RELN: variants seen among roughly 807,000 people sequenced by gnomAD.
RELN encodes reelin.
RELN carries 108 observed loss-of-function variants against 427.6 expected under a neutral mutation model. That is an observed-to-expected ratio of 0.25 (90% confidence interval 0.22 to 0.30). The LOEUF (loss-of-function observed/expected upper bound fraction) is 0.30, where lower values mean the gene tolerates loss of function less well. Ranked by LOEUF, RELN falls within the 10% of genes least tolerant of loss-of-function variation. The pLI is 1.00. For synonymous variants in RELN, 1,524 were observed against 1,513.4 expected (o/e 1.01, Z -0.16); for missense variants, 3,715 against 4,302.8 (o/e 0.86, Z 3.82).
intron 2 of RELN, among the ~76,000 whole-genome samples, chr7:103,906,607 T>C (rs1186577374): frequency 1.3e-5 from 2 of 152,158 alleles, no homozygotes; most frequent in Non-Finnish European, 2.9e-5. Context: ...CCATAGCTCC[T>C]GAATGTTTAC....
intron 1 of RELN, among the ~76,000 whole-genome samples, chr7:103,920,654 G>C (rs1304471835): frequency 6.8e-6 from 1 of 146,522 alleles, no homozygotes; most frequent in Non-Finnish European, 1.5e-5. Flanking sequence ...GCTCACTGCA[G>C]CCTCCACCTC....
intron 2 of RELN, among the ~76,000 whole-genome samples, chr7:103,892,127 C>T (rs993135454): frequency 6.6e-6 from 1 of 152,178 alleles, no homozygotes; most frequent in African/African-American, 2.4e-5. Context: ...TTACTCTGAG[C>T]CAAGACAGTT....
chr7:103,582,346 C>T (rs1272812160), intron 28 of RELN, among the ~76,000 whole-genome samples: 1 of 152,186 alleles, frequency 6.6e-6, no homozygotes. Flanking sequence ...AAGCATATGG[C>T]AAGTCAAATT....
intron 6 of RELN, among the ~76,000 whole-genome samples, chr7:103,739,031 C>T (rs1008330670): frequency 4.6e-5 from 7 of 152,062 alleles, no homozygotes; most frequent in South Asian, 2.1e-4. Context: ...CATGTTGTTG[C>T]GACTGACAAT....
intron 8 of RELN, among the ~76,000 whole-genome samples, chr7:103,720,044 G>GTA (rs2115892457): frequency 1.3e-5 from 2 of 151,790 alleles, no homozygotes; most frequent in South Asian, 4.2e-4. Flanking sequence ...GTATGTGTGT[G>GTA]TATATGTATA....
intron 2 of RELN, among the ~76,000 whole-genome samples, chr7:103,872,027 TA>T (rs1417011568): frequency 1.4e-4 from 13 of 92,318 alleles, no homozygotes; most frequent in African/African-American, 2.4e-4. Flanking sequence ...TATATATATA[TA>T]TATTTTTCTT....
chr7:103,701,179 T>A (rs918949122), intron 8 of RELN, among the ~76,000 whole-genome samples, 173 bp from the exon 9 acceptor site: 13 of 152,282 alleles, frequency 8.5e-5, no homozygotes, highest in African/African-American at 3.1e-4. Context: ...AACTACCATT[T>A]GATAAATAAT....
intron 3 of RELN, among the ~76,000 whole-genome samples, chr7:103,833,115 A>T (rs1793314832): frequency 6.6e-6 from 1 of 152,012 alleles, no homozygotes; most frequent in Non-Finnish European, 1.5e-5. Context: ...TTGTGATGTG[A>T]ATGTTTAAAA....
chr7:103,745,961 C>A (rs1032830692), intron 6 of RELN, among the ~76,000 whole-genome samples: 3 of 152,130 alleles, frequency 2.0e-5, no homozygotes, highest in African/African-American at 7.2e-5. Flanking sequence ...ATTGCCAAGT[C>A]AATCCTAAGC....
chr7:103,779,928 A>G (rs1226025219), intron 3 of RELN, among the ~76,000 whole-genome samples: 2 of 152,144 alleles, frequency 1.3e-5, no homozygotes, highest in African/African-American at 4.8e-5. Context: ...GGGTTTCACC[A>G]TGTTGGCCAG....
intron 36 of RELN, among the ~76,000 whole-genome samples, chr7:103,559,951 A>C (rs978432263): frequency 1.3e-5 from 2 of 152,244 alleles, no homozygotes; most frequent in African/African-American, 4.8e-5. Flanking sequence ...ATGGGTCAAT[A>C]CAAGTCACTC....
rs778109079 is a variant in RELN, at chr7:103,500,755, T to C, written c.8657A>G (p.His2886Arg). 1.2e-6 allele frequency: 2 copies of C among 1,614,066 alleles called. No individual in the cohort carries two copies. Among genetic ancestry groups the C allele is most frequent in the Non-Finnish European group, 1.7e-6 (2 of 1,179,972 alleles). Residue 2886 changes from histidine to arginine, a missense_variant, in exon 53 of 65, where the codon CAC becomes CGC. This residue lies in a region of RELN where 1,310 missense variants were observed against 1,643.0 expected (regional missense o/e 0.80). Transcript: ENST00000428762. ...GGGCTTTACCCTTACCTTCAGAGTGTGGGTCAAGTAGCAGTTTGGCCCTGA... is the reference window on the plus strand; with the variant it reads ...GGGCTTTACCCTTACCTTCAGAGTGCGGGTCAAGTAGCAGTTTGGCCCTGA... The part of the protein sequence containing the change: ...GYSGPNCYLT[H>R]TLKTFLKERF...
At chr7:103,747,893 C>T (rs1196082385) in intron 6 of RELN, among the ~76,000 whole-genome samples, 1 of 151,258 alleles carries the variant, frequency 6.6e-6, no homozygotes, top group African/African-American at 2.5e-5. Context: ...TCAGATCAGT[C>T]ATGAAAATGG....
chr7:103,679,315 G>A lies in RELN; in HGVS notation c.1289+2801C>T, dbSNP rs543061881. Among the ~76,000 whole-genome samples the A allele has an allele frequency of 2.0e-4, 31 of 152,302 alleles. 1 individual carries two copies. Among genetic ancestry groups the A allele is most frequent in the African/African-American group, 7.5e-4 (31 of 41,568 alleles). The stretch of plus-strand genomic sequence containing the variant: ...GCCACCAGATGACAACATGAATGAA[G>A]TAATTCTGGGGTGTAGCCTGACGTC... On this transcript the variant is annotated intron_variant, in intron 11 of 64. Coordinates refer to ENST00000428762, the MANE Select transcript of RELN (RefSeq NM_005045.4).
At chr7:103,825,835 A>G (rs867229865) in intron 3 of RELN, among the ~76,000 whole-genome samples, 3 of 152,104 alleles carry the variant, frequency 2.0e-5, no homozygotes, top group African/African-American at 7.2e-5. Flanking sequence ...TATAGCTACC[A>G]TGTTAGAAAG....
chr7:103,922,998 T>C (rs1159703991), intron 1 of RELN, among the ~76,000 whole-genome samples: 1 of 152,128 alleles, frequency 6.6e-6, no homozygotes, highest in African/African-American at 2.4e-5. Context: ...TACATAAGCA[T>C]TAGTGATGAT....
chr7:103,624,954 G>A (rs1832297634), intron 20 of RELN, among the ~76,000 whole-genome samples: 1 of 152,052 alleles, frequency 6.6e-6, no homozygotes, highest in Non-Finnish European at 1.5e-5. Context: ...TACCCAAGAG[G>A]CCCTTCGAAC....
At chr7:103,852,987 TTTCAC>T (rs1321888614) in intron 2 of RELN, among the ~76,000 whole-genome samples, 1 of 151,984 alleles carries the variant, frequency 6.6e-6, no homozygotes, top group Admixed American at 6.6e-5. Context: ...ATACTACTAC[TTTCAC>T]TTAAGTTTTA....
chr7:103,811,355 G>A (rs1446022670), intron 3 of RELN, among the ~76,000 whole-genome samples: 4 of 152,132 alleles, frequency 2.6e-5, no homozygotes, highest in African/African-American at 7.2e-5. Flanking sequence ...ATCACAAGAG[G>A]TACTGTAAAA....
Sources: gnomAD v4.1 joint callset for allele counts (sites outside exome capture counted in the v4.1 genomes callset) on GRCh38, gnomAD v4.1.1 for gene constraint, gnomAD v4.1.1 regional missense constraint, MANE v1.5 for transcripts, NCBI Gene and HGNC (gene_info 2026-07-23, HGNC 2026-07-21) for gene names.